Variants in SHANK2 observed in about 807,000 individuals in gnomAD.
SHANK2 encodes the protein SH3 and multiple ankyrin repeat domains protein 2.
Under a neutral mutation model 133.7 loss-of-function variants are expected in SHANK2, and 43 were observed. The observed-to-expected ratio is 0.32, with a 90% CI of 0.25 to 0.41. The LOEUF is 0.41. SHANK2 is among the 10% of genes least tolerant of loss of function. SHANK2 has a pLI of 1.00. For missense variants in SHANK2, 1,994 were observed against 2,235.8 expected, an observed-to-expected ratio of 0.89 and a Z score of 2.18; for synonymous variants, 1,017 against 952.8, an observed-to-expected ratio of 1.07 and a Z score of -1.24.
intron 17 of SHANK2, among the ~76,000 whole-genome samples, chr11:70,526,843 C>A (rs1461769111): frequency 1.3e-5 from 2 of 151,728 alleles, no homozygotes; most frequent in Non-Finnish European, 2.9e-5. Context: ...CCTCTGCAGG[C>A]CTGGCCCCCT....
chr11:70,551,870 T>TAGGAGCTCA (rs1178459394), intron 17 of SHANK2, among the ~76,000 whole-genome samples: 4 of 152,188 alleles, frequency 2.6e-5, no homozygotes, highest in Non-Finnish European at 4.4e-5. Context: ...AGTGCTGGGC[T>TAGGAGCTCA]AGGACCCTGC....
rs184377163 is a variant in SHANK2, at chr11:70,728,594, T to A, written c.1778-29831A>T. Among the ~76,000 whole-genome samples the A allele has an allele frequency of 1.3e-3, 204 of 152,282 alleles. 1 individual carries two copies. The highest frequency in any genetic ancestry group is 1.9e-4 in the Non-Finnish European group (13 of 68,022). ...GAGTCCGATGGACAGAGATAATGGA[T>A]TCTTACCCAAACAACACATCTTCCT... On this transcript the variant is annotated intron_variant, in intron 14 of 25. Coordinates refer to ENST00000601538, the MANE Select transcript of SHANK2 (RefSeq NM_012309.5).
At chr11:70,876,241 T>TATATACACACACAC (rs1461810961) in intron 11 of SHANK2, among the ~76,000 whole-genome samples, 1 of 14,864 alleles carries the variant, frequency 6.7e-5, no homozygotes, top group African/African-American at 1.0e-4. Context: ...CACACACATA[T>TATATACACACACAC]AGACACACAC....
At chr11:70,855,771 T>C (rs73534031) in intron 11 of SHANK2, among the ~76,000 whole-genome samples, 1 of 152,062 alleles carries the variant, frequency 6.6e-6, no homozygotes, top group African/African-American at 2.4e-5. Flanking sequence ...AAGGAAGGAG[T>C]TAAATCGATG....
At chr11:70,821,101 C>G (rs1424089894) in intron 11 of SHANK2, among the ~76,000 whole-genome samples, 1 of 152,196 alleles carries the variant, frequency 6.6e-6, no homozygotes, top group African/African-American at 2.4e-5. Flanking sequence ...CTGGGGTGGG[C>G]TGAACTGTGT....
chr11:70,656,598 G>A (rs573599311), intron 17 of SHANK2, among the ~76,000 whole-genome samples: 45 of 152,120 alleles, frequency 3.0e-4, no homozygotes, highest in African/African-American at 9.9e-4. Flanking sequence ...TCTATCCTGG[G>A]AATTCCGGCA....
intron 11 of SHANK2, chr11:70,896,237 C>T (rs988424049): frequency 6.1e-5 from 22 of 360,514 alleles, no homozygotes; most frequent in African/African-American, 4.6e-4. Context: ...GCAACAGGGA[C>T]TGTCAGAATA....
intron 25 of SHANK2, among the ~76,000 whole-genome samples, chr11:70,478,267 G>T (rs1227622462): frequency 6.6e-6 from 1 of 152,006 alleles, no homozygotes; most frequent in Non-Finnish European, 1.5e-5. Context: ...TCAGCCTCTG[G>T]CATAGCTAGA....
intron 10 of SHANK2, among the ~76,000 whole-genome samples, chr11:70,897,070 T>G (rs1489614039): frequency 1.3e-5 from 2 of 152,250 alleles, no homozygotes; most frequent in Non-Finnish European, 2.9e-5. Context: ...CATAGATGTA[T>G]GCACAGCCAG....
At chr11:70,564,266 T>TTTTC (rs1554981432) in intron 17 of SHANK2, among the ~76,000 whole-genome samples, 21 of 140,684 alleles carry the variant, frequency 1.5e-4, no homozygotes, top group African/African-American at 3.7e-4. Context: ...CTTTTCTTTT[T>TTTTC]TTTTTTTTTT....
chr11:70,490,215 G>T, intron 23 of SHANK2, 61 bp downstream of exon 23: 2 of 1,388,262 alleles, frequency 1.4e-6, no homozygotes, highest in Non-Finnish European at 2.1e-6. Context: ...TTCCTGAGGG[G>T]CCTAAGGCTG....
At chr11:70,761,974 G>A (rs907569769) in intron 14 of SHANK2, among the ~76,000 whole-genome samples, 37 of 152,208 alleles carry the variant, frequency 2.4e-4, no homozygotes, top group African/African-American at 8.7e-4. Context: ...ACACTGCCCA[G>A]GTGGTTCTCA....
intron 17 of SHANK2, among the ~76,000 whole-genome samples, chr11:70,540,772 G>A (rs2059610812): frequency 6.6e-6 from 1 of 150,670 alleles, no homozygotes. Context: ...CCACTCGGGA[G>A]GCTGAGGCAG....
At chr11:70,921,471 G>A (rs538214512) in intron 10 of SHANK2, among the ~76,000 whole-genome samples, 31 of 152,346 alleles carry the variant, frequency 2.0e-4, no homozygotes, top group South Asian at 8.3e-4. Flanking sequence ...CTGCAGACCC[G>A]AAGGGGAGTT....
chr11:70,490,062 AG>A (rs1565532895), intron 23 of SHANK2: 1 of 454,414 alleles, frequency 2.2e-6, no homozygotes, highest in South Asian at 2.1e-5. Flanking sequence ...TGTGTCCTTC[AG>A]GGGGGATGAG....
chr11:71,077,143 G>A (rs994851682), intron 8 of SHANK2, among the ~76,000 whole-genome samples: 277 of 152,282 alleles, frequency 1.8e-3, no homozygotes, highest in African/African-American at 5.7e-3. Flanking sequence ...TCACCCAGTC[G>A]TTTGCATTGG....
At chr11:71,219,678 G>C (rs555804903) in intron 2 of SHANK2, among the ~76,000 whole-genome samples, 275 of 150,850 alleles carry the variant, frequency 1.8e-3, no homozygotes, top group Non-Finnish European at 5.5e-4. Context: ...ATCAGCTGAG[G>C]TCACCAGTTC....
chr11:71,184,566 G>A (rs555544389), intron 2 of SHANK2, among the ~76,000 whole-genome samples: 2 of 152,252 alleles, frequency 1.3e-5, no homozygotes, highest in East Asian at 1.9e-4. Flanking sequence ...AGGTGCCCAC[G>A]GCCATGCCAC....
intron 25 of SHANK2, among the ~76,000 whole-genome samples, chr11:70,475,995 G>T (rs1278817471): frequency 6.6e-6 from 1 of 152,084 alleles, no homozygotes; most frequent in Non-Finnish European, 1.5e-5. Context: ...GCCTAGGTGG[G>T]TGAATCATTT....
Sources: gnomAD v4.1 joint callset for allele counts (sites outside exome capture counted in the v4.1 genomes callset) on GRCh38, gnomAD v4.1.1 for gene constraint, MANE v1.5 for transcripts, NCBI Gene and HGNC (gene_info 2026-07-23, HGNC 2026-07-21) for gene names.